PRUNE2: variants seen among roughly 807,000 people sequenced by gnomAD.
PRUNE2 encodes the protein prune homolog 2 with BCH domain.
Under a neutral mutation model 252.0 loss-of-function variants are expected in PRUNE2, and 164 were observed. The ratio of observed to expected loss-of-function variants is 0.65; its 90% CI spans 0.57 to 0.74. The LOEUF is 0.74. PRUNE2 is among the 30% of genes least tolerant of loss of function. The probability of loss-of-function intolerance (pLI) is 0.00; values close to 1 mark genes in which losing one functional copy is unlikely to be tolerated. For synonymous variants in PRUNE2, 1,292 were observed against 1,350.2 expected (o/e 0.96, Z 0.94); for missense variants, 3,495 against 3,711.0 (o/e 0.94, Z 1.51).
chr9:76,901,182 T>C (rs1225664342), intron 1 of PRUNE2, among the ~76,000 whole-genome samples: 1 of 152,170 alleles, frequency 6.6e-6, no homozygotes, highest in Non-Finnish European at 1.5e-5. Flanking sequence ...CCGCAGCTGT[T>C]CATCTGAATG....
At chr9:76,829,899 A>G (rs1272085843) in intron 4 of PRUNE2, among the ~76,000 whole-genome samples, 2 of 152,188 alleles carry the variant, frequency 1.3e-5, no homozygotes, top group Non-Finnish European at 2.9e-5. Flanking sequence ...CAAATTGCCA[A>G]TCACAAAGGA....
chr9:76,893,363 TA>T (rs1196850698), intron 1 of PRUNE2, among the ~76,000 whole-genome samples: 1 of 152,294 alleles, frequency 6.6e-6, no homozygotes, highest in East Asian at 1.9e-4. Context: ...CGAGAAATCG[TA>T]AATAAAAGAT....
intron 1 of PRUNE2, among the ~76,000 whole-genome samples, chr9:76,888,242 T>C (rs1056803617): frequency 1.3e-5 from 2 of 152,178 alleles, no homozygotes; most frequent in African/African-American, 4.8e-5. Flanking sequence ...TCACAAGGAC[T>C]TCTGGGAAGA....
intron 6 of PRUNE2, among the ~76,000 whole-genome samples, chr9:76,760,942 C>T (rs965159294): frequency 3.3e-5 from 5 of 151,886 alleles, no homozygotes; most frequent in East Asian, 1.9e-4. Flanking sequence ...AAAAATTAGC[C>T]GGGTGCGGTG....
At chr9:76,640,968 TGAACTTCTAA>T (rs1842337011) in intron 12 of PRUNE2, among the ~76,000 whole-genome samples, 1 of 152,226 alleles carries the variant, frequency 6.6e-6, no homozygotes, top group South Asian at 2.1e-4. Flanking sequence ...TTTATTTCCA[TGAACTTCTAA>T]GAAATTTTTT....
intron 1 of PRUNE2, among the ~76,000 whole-genome samples, chr9:76,858,488 C>A (rs2060375242): frequency 6.6e-6 from 1 of 152,066 alleles, no homozygotes; most frequent in African/African-American, 2.4e-5. Flanking sequence ...AACCATCATT[C>A]TCAGCAAACT....
chr9:76,663,152 C>T (rs1588312789), intron 9 of PRUNE2, among the ~76,000 whole-genome samples: 2 of 152,190 alleles, frequency 1.3e-5, no homozygotes, highest in East Asian at 3.9e-4. Context: ...CTGAGCTTCA[C>T]ACTTTGCCTA....
chr9:76,629,120 G>A lies in PRUNE2; in HGVS notation c.9149+72C>T, dbSNP rs571173251. The stretch of plus-strand genomic sequence containing the variant: ...AGCCTCCCAAAGTGCTAGGATTACA[G>A]GCGTGAGCCACCACACCCAGCCTCA... On this transcript the variant is annotated intron_variant, in intron 16 of 18. Transcript: ENST00000376718. 1,875 of 896,014 alleles carry A rather than the reference G, an allele frequency of 2.1e-3. 5 individuals carry two copies. Among genetic ancestry groups the A allele is most frequent in the Middle Eastern group, 3.1e-3 (14 of 4,540 alleles). The allele number at this position is 896,014 out of a possible 1,614,324, so 55.5% of individuals were successfully genotyped here. A position where few individuals can be genotyped will look rare whatever the true frequency, so the allele number is the denominator to read the frequency against.
At chr9:76,688,370 C>T (rs1287362509) in intron 9 of PRUNE2, among the ~76,000 whole-genome samples, 1 of 152,204 alleles carries the variant, frequency 6.6e-6, no homozygotes, top group Non-Finnish European at 1.5e-5. Context: ...CCCAAGTCGG[C>T]TCTGTCTTGT....
In PRUNE2 at chr9:76,621,857, A is replaced by T. The variant is rs550100500; in HGVS notation, c.9189-2470T>A. ...CCACCATACTTGGCTAATTAAAAAAATTTTTTTTTGTAGAGATGGAGTCCT... is the reference window on the plus strand; with the variant it reads ...CCACCATACTTGGCTAATTAAAAAATTTTTTTTTTGTAGAGATGGAGTCCT... On this transcript the variant is annotated intron_variant, in intron 17 of 18. Transcript: ENST00000376718. Among the ~76,000 whole-genome samples the T allele has an allele frequency of 7.2e-5, 11 of 151,798 alleles. No individual in the cohort carries two copies. The South Asian group carries it at 1.5e-3, about 20-fold the overall frequency.
chr9:76,709,267 A>G lies in PRUNE2; in HGVS notation c.3007T>C (p.Ser1003Pro). ...EEGFESKDGN[S>P]TAEETDIPPQ... is the part of the protein sequence containing the mutation. ...GGAATGTCAGTCTCCTCTGCCGTGGAGTTACCATCTTTTGACTCAAAACCT... is the reference window on the plus strand; with the variant it reads ...GGAATGTCAGTCTCCTCTGCCGTGGGGTTACCATCTTTTGACTCAAAACCT... The change falls in exon 8 of 19, where the codon TCC becomes CCC. Residue 1003 changes from serine (S) to proline (P), a missense_variant. Ser to Pro is a moderately conservative substitution (Grantham distance 74). Transcript: ENST00000376718. 6.2e-7 allele frequency: 1 copy of G among 1,613,546 alleles called. No individual in the cohort carries two copies. Among genetic ancestry groups the G allele is most frequent in the Non-Finnish European group, 8.5e-7 (1 of 1,179,746 alleles).
chr9:76,893,117 T>C (rs145082625), intron 1 of PRUNE2, among the ~76,000 whole-genome samples: 213 of 152,298 alleles, frequency 1.4e-3, no homozygotes, highest in African/African-American at 4.9e-3. Flanking sequence ...TGGTGGCACA[T>C]GCCTGTAGTC....
intron 6 of PRUNE2, among the ~76,000 whole-genome samples, chr9:76,763,116 A>G (rs976220396): frequency 1.3e-5 from 2 of 152,178 alleles, no homozygotes; most frequent in Non-Finnish European, 2.9e-5. Flanking sequence ...AACGATGTGA[A>G]GACTGAGGTC....
chr9:76,650,165 T>C (rs1350906718), intron 11 of PRUNE2, among the ~76,000 whole-genome samples: 1 of 151,914 alleles, frequency 6.6e-6, no homozygotes, highest in African/African-American at 2.4e-5. Flanking sequence ...CTGTGCTTCA[T>C]TGTTCTAGTT....
In PRUNE2 at chr9:76,875,554, C is replaced by T. The variant is rs188378791; in HGVS notation, c.37-21346G>A. Among the ~76,000 whole-genome samples, 954 of 151,922 alleles carry T rather than the reference C, an allele frequency of 6.3e-3. 12 individuals carry two copies. Among genetic ancestry groups the T allele is most frequent in the African/African-American group, 0.022 (913 of 41,428 alleles). ...CCAATTTTTGTATTTTTAGTAGAGA[C>T]GGGGTTTCACCATATTGGCCAGGCT... On this transcript the variant is annotated intron_variant, in intron 1 of 18. Transcript: ENST00000376718.
intron 12 of PRUNE2, among the ~76,000 whole-genome samples, chr9:76,639,449 C>A (rs1841622739): frequency 6.6e-6 from 1 of 152,172 alleles, no homozygotes; most frequent in Non-Finnish European, 1.5e-5. Context: ...CAAGATCGTG[C>A]CACTGCCCTC....
intron 6 of PRUNE2, among the ~76,000 whole-genome samples, chr9:76,806,508 CT>C (rs536359235): frequency 1.9e-3 from 255 of 131,122 alleles, no homozygotes; most frequent in Middle Eastern, 3.8e-3. Flanking sequence ...AGGCACCATT[CT>C]TTTTTTTTTT....
At chr9:76,770,073 C>T (rs1016670601) in intron 6 of PRUNE2, among the ~76,000 whole-genome samples, 13 of 152,066 alleles carry the variant, frequency 8.5e-5, no homozygotes, top group Admixed American at 5.2e-4. Context: ...CAGGACCTTG[C>T]CAATTTATTA....
chr9:76,754,891 G>A (rs769495311), intron 6 of PRUNE2, among the ~76,000 whole-genome samples: 11 of 150,236 alleles, frequency 7.3e-5, no homozygotes, highest in African/African-American at 9.8e-5. Context: ...GCTTGAACCC[G>A]GGAGGCGGAG....
Sources: gnomAD v4.1 joint callset for allele counts (sites outside exome capture counted in the v4.1 genomes callset) on GRCh38, gnomAD v4.1.1 for gene constraint, MANE v1.5 for transcripts, NCBI Gene and HGNC (gene_info 2026-07-23, HGNC 2026-07-21) for gene names.